Variants in MDGA1 observed in about 807,000 individuals in gnomAD.
MDGA1 encodes MAM domain containing glycosylphosphatidylinositol anchor 1, also known as MAM domain-containing glycosylphosphatidylinositol anchor protein 1.
MDGA1 carries 54 observed loss-of-function variants against 101.5 expected under a neutral mutation model. That is an observed-to-expected ratio of 0.53 (90% CI 0.43 to 0.67). The LOEUF is 0.67. Among genes scored for constraint, MDGA1 ranks in the 30% least tolerant of loss-of-function variants. The pLI, the probability that MDGA1 is intolerant of heterozygous loss-of-function variation, is 0.00. For missense variants in MDGA1, 1,083 were observed against 1,323.8 expected (o/e 0.82, Z 2.82); for synonymous variants, 533 against 558.3 (o/e 0.95, Z 0.64).
intron 1 of MDGA1, among the ~76,000 whole-genome samples, chr6:37,694,602 C>T (rs1260571877): frequency 6.6e-6 from 1 of 152,200 alleles, no homozygotes. Flanking sequence ...CTACAGAGAT[C>T]CTCCCTTCTG....
chr6:37,673,402 T>C lies in MDGA1; in HGVS notation c.68-9296A>G, dbSNP rs544012700. Among the ~76,000 whole-genome samples, 6 of 152,370 alleles carry C rather than the reference T, an allele frequency of 3.9e-5. No homozygotes were observed. In the East Asian group the frequency reaches 9.6e-4, roughly 24 times the overall value. ...ACACTTAATAATTTAGTGGAGTTAATAGTGCTGAAATATTAACAGGCTTTT... is the reference window on the plus strand; with the variant it reads ...ACACTTAATAATTTAGTGGAGTTAACAGTGCTGAAATATTAACAGGCTTTT... On this transcript the variant is annotated intron_variant, in intron 1 of 16. Transcript: ENST00000434837.
In MDGA1 at chr6:37,654,410, C is replaced by T. The variant is rs1406005249; in HGVS notation, c.846G>A (p.Leu282=). ...QLQWSHGPGP[L]PLGALAQGGT... is the part of the protein sequence containing the mutation. ...CACCCTGGGCCAGAGCACCCAGGGG[C>T]AGTGGGCCAGGCCCATGGGACCACT... The change falls in exon 6 of 17, where the codon CTG becomes CTA. Residue 282 remains leucine, a synonymous_variant. Transcript: ENST00000434837. The T allele has an allele frequency of 1.9e-6, 3 of 1,613,898 alleles. No individual in the cohort carries two copies. The East Asian group carries it at 6.7e-5, about 36-fold the overall frequency.
intron 9 of MDGA1, 75 bp downstream of exon 9, chr6:37,648,907 A>T (rs1581852968): frequency 3.4e-6 from 5 of 1,484,878 alleles, no homozygotes; most frequent in East Asian, 2.7e-5. Context: ...GCAAAGAATC[A>T]CCCGGGCTGG....
Position 37,647,339 on chromosome 6 carries a change from AG to A in MDGA1, c.1895-16del. On this transcript the variant is annotated splice_polypyrimidine_tract_variant and intron_variant, in intron 9 of 16. Coordinates refer to ENST00000434837, the MANE Select transcript of MDGA1 (RefSeq NM_153487.4). ...GTAGGCTTTGGCTAAGAGGGCGGGG[AG>A]GGGGGCATTGGGCCGTGGAGGGTGC... 1.3e-6 allele frequency: 2 copies of A among 1,490,500 alleles called. No homozygotes were observed. Among genetic ancestry groups the A allele is most frequent in the Non-Finnish European group, 1.8e-6 (2 of 1,102,380 alleles). The allele number at this position is 1,490,500 out of a possible 1,614,324, so 92.3% of individuals were successfully genotyped here.
At chr6:37,693,646 A>G (rs964715193) in intron 1 of MDGA1, among the ~76,000 whole-genome samples, 19 of 152,360 alleles carry the variant, frequency 1.2e-4, no homozygotes, top group African/African-American at 4.1e-4. Context: ...CGCTATCCGC[A>G]TGCAAGATAT....
rs1761395512 is a variant in MDGA1, at chr6:37,652,564, T to A, written c.983-224A>T. Among the ~76,000 whole-genome samples the A allele has an allele frequency of 6.6e-6, 1 of 152,258 alleles. No homozygotes were observed. The stretch of plus-strand genomic sequence containing the variant: ...AAAAGGTCACTGCAGAAAAGCAGTT[T>A]TGGTAATAACAGAATATACACTATG... On this transcript the variant is annotated intron_variant, in intron 6 of 16. Coordinates refer to ENST00000434837, the MANE Select transcript of MDGA1 (RefSeq NM_153487.4). This position sits in a 1 kb window ranked among gnomAD's most constrained non-coding sequence, Gnocchi z 4.3.
rs1581838314 is a variant in MDGA1, at chr6:37,638,160, A to G, written c.2776+45T>C. 2 of 1,525,042 alleles carry G rather than the reference A, an allele frequency of 1.3e-6. No homozygotes were observed. Among genetic ancestry groups the G allele is most frequent in the East Asian group, 2.3e-5 (1 of 44,396 alleles). The allele number at this position is 1,525,042 out of a possible 1,614,324, so 94.5% of individuals were successfully genotyped here. A position where few individuals can be genotyped will look rare whatever the true frequency, so the allele number is the denominator to read the frequency against. ...ACAGACAGGAACCCCCGCCACGCAC[A>G]GCTCCCTCCAGATTCAGCTCCCCCA... On this transcript the variant is annotated intron_variant, in intron 16 of 16. Transcript: ENST00000434837. This position sits in a 1 kb window ranked among gnomAD's most constrained non-coding sequence, Gnocchi z 4.8.
At chr6:37,649,576 C>T (rs1761308102) in intron 8 of MDGA1, among the ~76,000 whole-genome samples, 1 of 152,104 alleles carries the variant, frequency 6.6e-6, no homozygotes, top group Admixed American at 6.5e-5. Context: ...GCAGGGGTTT[C>T]GCGCATAATC....
Position 37,635,266 on chromosome 6 carries a change from A to T in MDGA1, c.*2102T>A. 2.5e-6 allele frequency: 1 copy of T among 395,086 alleles called. No individual in the cohort carries two copies. Among genetic ancestry groups the T allele is most frequent in the Non-Finnish European group, 4.5e-6 (1 of 224,366 alleles). 24.5% of individuals were successfully genotyped at this position (395,086 alleles called of 1,614,324 possible). ...GATTACAGAATCCATTCCACCGGGC[A>T]ATGGAGTGGTTTCCACACCAGGCTC... On this transcript the variant is annotated 3_prime_UTR_variant, in exon 17 of 17. Coordinates refer to ENST00000434837, the MANE Select transcript of MDGA1 (RefSeq NM_153487.4).
chr6:37,654,747 G>A (rs562579695), intron 5 of MDGA1, 53 bp downstream of exon 5: 6 of 1,608,014 alleles, frequency 3.7e-6, no homozygotes, highest in African/African-American at 2.7e-5. Flanking sequence ...ACTATCTCCT[G>A]GTTGGGAGTT....
chr6:37,641,271 C>T (rs540415778), intron 14 of MDGA1, among the ~76,000 whole-genome samples: 3 of 152,190 alleles, frequency 2.0e-5, no homozygotes, highest in Non-Finnish European at 4.4e-5. Context: ...ATGGGAAGTG[C>T]CATGGAAATG....
In MDGA1 at chr6:37,654,780, G is replaced by A; in HGVS notation, c.712+20C>T. 6.2e-7 allele frequency: 1 copy of A among 1,613,472 alleles called. No individual in the cohort carries two copies. Among genetic ancestry groups the A allele is most frequent in the Non-Finnish European group, 8.5e-7 (1 of 1,179,660 alleles). Reference sequence around the variant, plus strand: ...GTTAGCTCAGGTAGGGAAGGAGTATGGGGAGGAAAATGCCTGTACCCGTGG... The same window carrying A: ...GTTAGCTCAGGTAGGGAAGGAGTATAGGGAGGAAAATGCCTGTACCCGTGG... On this transcript the variant is annotated intron_variant, in intron 5 of 16. Coordinates refer to ENST00000434837, the MANE Select transcript of MDGA1 (RefSeq NM_153487.4).
chr6:37,647,454 G>A (rs1761234936), intron 9 of MDGA1, 130 bp from the exon 10 acceptor site: 2 of 620,186 alleles, frequency 3.2e-6, no homozygotes, highest in African/African-American at 3.8e-5. Flanking sequence ...AAAGAGAAAG[G>A]GAATATTGTG....
intron 7 of MDGA1, 63 bp from the exon 8 acceptor site, chr6:37,650,468 T>TAC: frequency 9.2e-6 from 13 of 1,413,384 alleles, no homozygotes; most frequent in South Asian, 4.7e-5. Flanking sequence ...CACTGGGCTC[T>TAC]GCCTTCTGGC....
rs535569540 is a variant in MDGA1, at chr6:37,655,219, G to T, written c.580-287C>A. ...GGTTTCTCCAGTCTGGGAAACGGAG[G>T]GGTAAGAAGGGAACTTACTCGTACA... On this transcript the variant is annotated intron_variant, in intron 4 of 16. Coordinates refer to ENST00000434837, the MANE Select transcript of MDGA1 (RefSeq NM_153487.4). The surrounding 1 kb of genome is among the most constrained non-coding windows in gnomAD (Gnocchi z 5.1). 9.7e-4 allele frequency: 469 copies of T among 485,108 alleles called. 5 individuals are homozygous for T. The South Asian group carries it at 0.01, about 11-fold the overall frequency. 30.1% of individuals were successfully genotyped at this position (485,108 alleles called of 1,614,324 possible). A position where few individuals can be genotyped will look rare whatever the true frequency, so the allele number is the denominator to read the frequency against.
At chr6:37,674,326 G>A (rs577393112) in intron 1 of MDGA1, among the ~76,000 whole-genome samples, 9 of 152,282 alleles carry the variant, frequency 5.9e-5, no homozygotes, top group East Asian at 3.9e-4. Flanking sequence ...CCGCCACCCC[G>A]CCACCACAAT....
chr6:37,638,189 C>T lies in MDGA1; in HGVS notation c.2776+16G>A, dbSNP rs1356565552. ...CCCTCCAGATTCAGCTCCCCCACCT[C>T]CTTCCCGTCTTGCACCTTTATTGGG... is the stretch of plus-strand genomic sequence containing the variant. On this transcript the variant is annotated intron_variant, in intron 16 of 16. Transcript: ENST00000434837. This position sits in a 1 kb window ranked among gnomAD's most constrained non-coding sequence, Gnocchi z 4.8. 1.2e-6 allele frequency: 2 copies of T among 1,608,300 alleles called. No individual in the cohort carries two copies. The highest frequency in any genetic ancestry group is 1.7e-6 in the Non-Finnish European group (2 of 1,174,888).
intron 1 of MDGA1, among the ~76,000 whole-genome samples, chr6:37,682,461 G>T (rs1350220129): frequency 6.6e-6 from 1 of 152,196 alleles, no homozygotes; most frequent in East Asian, 1.9e-4. Context: ...TCCAGCCTGG[G>T]TGACAGAGAG....
intron 14 of MDGA1, among the ~76,000 whole-genome samples, chr6:37,643,082 G>A (rs1764129638): frequency 6.6e-6 from 1 of 152,124 alleles, no homozygotes; most frequent in Non-Finnish European, 1.5e-5. Flanking sequence ...CTTACTGTGT[G>A]GTCTGGGAAA....
Sources: gnomAD v4.1 joint callset for allele counts (sites outside exome capture counted in the v4.1 genomes callset) on GRCh38, gnomAD v4.1.1 for gene constraint, Gnocchi (gnomAD v3.1) non-coding constraint, MANE v1.5 for transcripts, NCBI Gene and HGNC (gene_info 2026-07-23, HGNC 2026-07-21) for gene names.